The following CASP5 variants were observed in gnomAD, a reference collection of about 807,000 sequenced individuals.
CASP5 encodes the protein caspase 5.
Under a neutral mutation model 45.2 loss-of-function variants are expected in CASP5, and 42 were observed. The ratio of observed to expected loss-of-function variants is 0.93; its 90% CI spans 0.73 to 1.20. The LOEUF (loss-of-function observed/expected upper bound fraction) is 1.20. CASP5 is among the 50% of genes most tolerant of loss of function. The pLI is 0.00. For missense variants in CASP5, 512 were observed against 532.2 expected (o/e 0.96, Z 0.37); for synonymous variants, 209 against 186.2 (o/e 1.12, Z -1.00).
At chr11:105,000,197 A>C in intron 6 of CASP5, 64 bp downstream of exon 6, 2 of 1,550,844 alleles carry the variant, frequency 1.3e-6, no homozygotes, top group South Asian at 2.2e-5. Context: ...CTAAATATAA[A>C]CCAAACATCA....
At chr11:105,005,450 G>T in intron 3 of CASP5, among the ~76,000 whole-genome samples, 1 of 151,526 alleles carries the variant, frequency 6.6e-6, no homozygotes, top group Non-Finnish European at 1.5e-5. Flanking sequence ...CTGCACTCCA[G>T]AATCCAATGC....
chr11:105,006,757 G>A (rs1862016547), intron 3 of CASP5, among the ~76,000 whole-genome samples: 1 of 152,186 alleles, frequency 6.6e-6, no homozygotes, highest in Non-Finnish European at 1.5e-5. Flanking sequence ...TAGGGAGAAT[G>A]GAAGGTCAAG....
intron 1 of CASP5, among the ~76,000 whole-genome samples, chr11:105,014,585 C>A (rs492859): frequency 0.15 from 23,152 of 152,076 alleles, 2,023 homozygotes; most frequent in Admixed American, 0.25. Flanking sequence ...TATGGCCCAA[C>A]TCTTGAAGAA....
chr11:105,016,292 T>A (rs531001402), intron 1 of CASP5, among the ~76,000 whole-genome samples: 34 of 152,228 alleles, frequency 2.2e-4, no homozygotes, highest in Non-Finnish European at 3.8e-4. Context: ...TAAATATGAC[T>A]GCAGGGGGAG....
chr11:105,005,176 T>C (rs2134713280), intron 3 of CASP5, among the ~76,000 whole-genome samples: 1 of 152,234 alleles, frequency 6.6e-6, no homozygotes, highest in African/African-American at 2.4e-5. Flanking sequence ...GTCTTATCTA[T>C]TATCTAATGA....
At chr11:105,003,038 A>AT (rs1053286496) in intron 4 of CASP5, among the ~76,000 whole-genome samples, 20 of 9,246 alleles carry the variant, frequency 2.2e-3, no homozygotes, top group Non-Finnish European at 4.3e-3. Flanking sequence ...CTCTACAAAA[A>AT]TTAAAAAAAA....
chr11:104,995,878 T>C, intron 8 of CASP5, 36 bp from the exon 9 acceptor site: 11 of 1,275,978 alleles, frequency 8.6e-6, no homozygotes, highest in African/African-American at 2.9e-5. Flanking sequence ...TATGAGGGAT[T>C]TTGGGTTCTC....
At chr11:105,015,956 A>C (rs1312214972) in intron 1 of CASP5, among the ~76,000 whole-genome samples, 1 of 152,202 alleles carries the variant, frequency 6.6e-6, no homozygotes, top group Non-Finnish European at 1.5e-5. Context: ...CGTGCCTTAG[A>C]GTGATTAATG....
In CASP5 at chr11:105,010,479, T is replaced by A. The variant is rs60930650; in HGVS notation, c.8-1499A>T. Among the ~76,000 whole-genome samples, 743 of 124,428 alleles carry A rather than the reference T, an allele frequency of 6.0e-3. 10 individuals carry two copies. The highest frequency in any genetic ancestry group is 0.018 in the African/African-American group (699 of 38,908). The allele number at this position is 124,428 out of a possible 152,430, so 81.6% of individuals were successfully genotyped here. A position where few individuals can be genotyped will look rare whatever the true frequency, so the allele number is the denominator to read the frequency against. On this transcript the variant is annotated intron_variant, in intron 1 of 9. Coordinates refer to ENST00000260315, the MANE Select transcript of CASP5 (RefSeq NM_004347.5). ...TACTGATATAATAAATCAGTAATTA[T>A]CATTATACTGATATAATAAATCAGT...
At chr11:105,018,469 G>C (rs1862754864) in intron 1 of CASP5, among the ~76,000 whole-genome samples, 1 of 151,780 alleles carries the variant, frequency 6.6e-6, no homozygotes, top group East Asian at 1.9e-4. Context: ...GATCTGCCAA[G>C]CAAATGGAAA....
Position 105,002,133 on chromosome 11 carries a change from A to G in CASP5, c.612T>C (p.Asp204=), listed in dbSNP as rs755100895. The change falls in exon 5 of 10, where the codon GAT becomes GAC. Residue 204 remains aspartate (D), a synonymous_variant. Coordinates refer to ENST00000260315, the MANE Select transcript of CASP5 (RefSeq NM_004347.5). ...LALIICNTKF[D]HLPARNGAHY... ...GAGCCCCATTCCTTGCAGGCAGGTG[A>G]TCAAACTTTGTATTGCATATGATGA... is the stretch of plus-strand genomic sequence containing the variant. The G allele has an allele frequency of 1.9e-6, 3 of 1,614,108 alleles. No individual in the cohort carries two copies.
rs901698533 is a variant in CASP5, at chr11:104,995,807, G to T, written c.1242C>A (p.Ala414=). ...QKSFEVPQAK[A]QMPTIERATL... is the part of the protein sequence containing the mutation. ...TTGCTCGTTCTATGGTGGGCATCTG[G>T]GCTTTAGCCTGTGGAACTTCAAATG... Residue 414 remains alanine, a synonymous_variant, in exon 9 of 10, where the codon GCC becomes GCA. Transcript: ENST00000260315. 2 of 1,611,630 alleles carry T rather than the reference G, an allele frequency of 1.2e-6. No homozygotes were observed. Among genetic ancestry groups the T allele is most frequent in the Admixed American group, 1.7e-5 (1 of 59,856 alleles).
chr11:105,016,596 C>T (rs1862613404), intron 1 of CASP5, among the ~76,000 whole-genome samples: 2 of 151,050 alleles, frequency 1.3e-5, no homozygotes, highest in South Asian at 4.1e-4. Flanking sequence ...CTGCGCTTTT[C>T]CAACCGGCTT....
chr11:105,011,301 A>G (rs1021626124), intron 1 of CASP5, among the ~76,000 whole-genome samples: 1 of 151,944 alleles, frequency 6.6e-6, no homozygotes, highest in Middle Eastern at 3.4e-3. Flanking sequence ...TAACCTAAAG[A>G]GGTTTACAAC....
At position 104,997,630 on chromosome 11, in the gene CASP5, C is replaced by T. The variant is rs889944029; in HGVS notation, c.1097-138G>A. 29 of 519,832 alleles carry T rather than the reference C, an allele frequency of 5.6e-5. No homozygotes were observed. The Admixed American group carries it at 8.3e-4, about 15-fold the overall frequency. 32.2% of individuals were successfully genotyped at this position (519,832 alleles called of 1,614,324 possible). On this transcript the variant is annotated intron_variant, in intron 7 of 9. Transcript: ENST00000260315. The stretch of plus-strand genomic sequence containing the variant: ...TATAACCAAACATTTACTTAGGTTT[C>T]ACACAGAGGAAACAGAAAAGCTGGC...
intron 1 of CASP5, among the ~76,000 whole-genome samples, chr11:105,016,644 C>T (rs1012584798): frequency 2.6e-5 from 4 of 152,190 alleles, no homozygotes; most frequent in Admixed American, 1.3e-4. Context: ...GCACCTGGCT[C>T]GGAGGGTCCT....
intron 1 of CASP5, among the ~76,000 whole-genome samples, chr11:105,012,541 A>G (rs1228856817): frequency 6.6e-6 from 1 of 151,950 alleles, no homozygotes; most frequent in Non-Finnish European, 1.5e-5. Context: ...AGATATTAAT[A>G]TTCAAAATAT....
chr11:105,001,332 A>C (rs142214092), intron 5 of CASP5, among the ~76,000 whole-genome samples: 1 of 152,216 alleles, frequency 6.6e-6, no homozygotes, highest in Non-Finnish European at 1.5e-5. Flanking sequence ...TATCAGGAAA[A>C]GCTCTTGGCC....
intron 5 of CASP5, among the ~76,000 whole-genome samples, chr11:105,001,180 C>G (rs535812721): frequency 1.1e-3 from 162 of 152,270 alleles, no homozygotes; most frequent in South Asian, 3.5e-3. Context: ...TTTGGATTCT[C>G]TTGTTATTCT....
Sources: gnomAD v4.1 joint callset for allele counts (sites outside exome capture counted in the v4.1 genomes callset) on GRCh38, gnomAD v4.1.1 for gene constraint, MANE v1.5 for transcripts, NCBI Gene and HGNC (gene_info 2026-07-23, HGNC 2026-07-21) for gene names.